Variants in PIEZO2 observed in about 807,000 individuals in gnomAD.
The protein encoded by PIEZO2 is piezo-type mechanosensitive ion channel component 2.
PIEZO2 carries 172 observed loss-of-function variants against 337.3 expected under a neutral mutation model. The observed-to-expected ratio is 0.51, with a 90% CI of 0.45 to 0.58. The LOEUF (loss-of-function observed/expected upper bound fraction) is 0.58. Ranked by LOEUF, PIEZO2 falls within the 20% of genes least tolerant of loss-of-function variation. The probability of loss-of-function intolerance (pLI) is 0.00; values close to 1 mark genes in which losing one functional copy is unlikely to be tolerated. For missense variants in PIEZO2, 3,028 were observed against 3,391.3 expected, an observed-to-expected ratio of 0.89 and a Z score of 2.66; for synonymous variants, 1,251 against 1,228.5, an observed-to-expected ratio of 1.02 and a Z score of -0.38.
Position 10,780,343 on chromosome 18 carries a change from A to T in PIEZO2, c.2516T>A (p.Val839Glu). Residue 839 changes from valine to glutamate, a missense_variant, in exon 18 of 56, where the codon GTA becomes GAA. Val to Glu is a moderately radical substitution (Grantham distance 121). Transcript: ENST00000674853. ...TACCCACCTATTTATTATTAGATAT[A>T]CGCGACCATTGACTTTGGCATGGCT... Reference protein sequence around the residue: ...IYSHAKVNGRVYLIINSIKKK... With the variant: ...IYSHAKVNGREYLIINSIKKK... 1 of 703,012 alleles carries T rather than the reference A, an allele frequency of 1.4e-6. No individual in the cohort carries two copies. The highest frequency in any genetic ancestry group is 2.6e-6 in the Non-Finnish European group (1 of 384,982). 43.5% of individuals were successfully genotyped at this position (703,012 alleles called of 1,614,324 possible).
intron 35 of PIEZO2, among the ~76,000 whole-genome samples, chr18:10,731,732 C>T (rs773595908): frequency 6.6e-6 from 1 of 151,942 alleles, no homozygotes. Context: ...TCACAGATAT[C>T]ATGAGATAAA....
In PIEZO2 at chr18:10,696,541, T is replaced by G. The variant is rs1156388337; in HGVS notation, c.6828-2A>C. 1.2e-6 allele frequency: 2 copies of G among 1,613,102 alleles called. No homozygotes were observed. Among genetic ancestry groups the G allele is most frequent in the Admixed American group, 1.7e-5 (1 of 60,000 alleles). On this transcript the variant is annotated splice_acceptor_variant, in intron 45 of 55. Coordinates refer to ENST00000674853, the MANE Select transcript of PIEZO2 (RefSeq NM_001378183.1). LOFTEE classifies it high-confidence loss of function. The stretch of plus-strand genomic sequence containing the variant: ...ATGGGCACATAGATCTCCAGCGTCC[T>G]GCAAAATGGAGACCCCCACCCCCAA...
At chr18:10,756,894 T>C (rs1476822195) in intron 27 of PIEZO2, among the ~76,000 whole-genome samples, 2 of 137,784 alleles carry the variant, frequency 1.5e-5, no homozygotes, top group African/African-American at 2.8e-5. Flanking sequence ...GGATGCAGGA[T>C]AAAAAGGAGG....
chr18:11,081,504 A>T (rs2038740508), intron 1 of PIEZO2, among the ~76,000 whole-genome samples: 1 of 152,166 alleles, frequency 6.6e-6, no homozygotes, highest in South Asian at 2.1e-4. Flanking sequence ...CATTAATAAA[A>T]GCTAGTTCCA....
chr18:11,040,027 C>T (rs2037062530), intron 2 of PIEZO2, among the ~76,000 whole-genome samples: 1 of 151,880 alleles, frequency 6.6e-6, no homozygotes, highest in African/African-American at 2.4e-5. Flanking sequence ...AAATATACAC[C>T]TCTACAGATG....
At chr18:10,818,701 G>T (rs566809038) in intron 7 of PIEZO2, among the ~76,000 whole-genome samples, 1 of 152,194 alleles carries the variant, frequency 6.6e-6, no homozygotes, top group East Asian at 1.9e-4. Context: ...TATGAGTTTG[G>T]AATTTTCATT....
At chr18:11,044,458 A>C (rs2145821614) in intron 2 of PIEZO2, among the ~76,000 whole-genome samples, 1 of 152,298 alleles carries the variant, frequency 6.6e-6, no homozygotes, top group South Asian at 2.1e-4. Context: ...ATTTCAGAAA[A>C]GTTACCACTA....
intron 3 of PIEZO2, among the ~76,000 whole-genome samples, chr18:10,932,268 T>G (rs1338251965): frequency 1.3e-5 from 2 of 152,082 alleles, no homozygotes; most frequent in African/African-American, 2.4e-5. Context: ...TGGTGGCACA[T>G]GCCTGTGGTC....
chr18:11,001,905 A>AG lies in PIEZO2; in HGVS notation c.161-22246dup, dbSNP rs201345529. ...AAAAGGAGAAAAAGGGAAGGAAGGA[A>AG]GAAGGAAGGAAGGAAGGAAGGAAGG... On this transcript the variant is annotated intron_variant, in intron 2 of 55. Transcript: ENST00000674853. This position sits in a 1 kb window ranked among gnomAD's most constrained non-coding sequence, Gnocchi z 5.3. Among the ~76,000 whole-genome samples, 2 of 139,202 alleles carry AG rather than the reference A, an allele frequency of 1.4e-5. No homozygotes were observed. Among genetic ancestry groups the AG allele is most frequent in the African/African-American group, 5.6e-5 (2 of 35,888 alleles). 91.3% of individuals were successfully genotyped at this position (139,202 alleles called of 152,430 possible). A position where few individuals can be genotyped will look rare whatever the true frequency, so the allele number is the denominator to read the frequency against.
At chr18:10,950,326 C>A (rs920303229) in intron 3 of PIEZO2, among the ~76,000 whole-genome samples, 1 of 152,048 alleles carries the variant, frequency 6.6e-6, no homozygotes, top group Non-Finnish European at 1.5e-5. Context: ...AGGCTTAAAG[C>A]TGAAGGTAAG....
chr18:11,122,938 TAA>T (rs1214798788), intron 1 of PIEZO2, among the ~76,000 whole-genome samples: 19 of 150,750 alleles, frequency 1.3e-4, no homozygotes, highest in East Asian at 1.9e-4. Context: ...ATGTTATATA[TAA>T]GTTATATGAT....
chr18:10,960,352 C>G (rs1286547998), intron 3 of PIEZO2, among the ~76,000 whole-genome samples: 1 of 152,070 alleles, frequency 6.6e-6, no homozygotes. Flanking sequence ...CCAAACTCTA[C>G]CACAGAAGTA....
rs1190448552 is a variant in PIEZO2, at chr18:10,783,693, T to A, written c.2492+1091A>T. The stretch of plus-strand genomic sequence containing the variant: ...GATAGCAAAACAAGTCATGACTGAT[T>A]GATACCTCTTGGTTCCATGGGTTAC... On this transcript the variant is annotated intron_variant, in intron 17 of 55. Transcript: ENST00000674853. The surrounding 1 kb of genome is among the most constrained non-coding windows in gnomAD (Gnocchi z 4.3). Among the ~76,000 whole-genome samples, 1 of 152,192 alleles carries A rather than the reference T, an allele frequency of 6.6e-6. No homozygotes were observed. Among genetic ancestry groups the A allele is most frequent in the Non-Finnish European group, 1.5e-5 (1 of 68,024 alleles).
intron 4 of PIEZO2, among the ~76,000 whole-genome samples, chr18:10,880,724 A>C (rs947047474): frequency 1.3e-5 from 2 of 151,590 alleles, no homozygotes; most frequent in Admixed American, 6.6e-5. Context: ...TTAAACTTAA[A>C]TATGACTCTG....
At position 10,781,132 on chromosome 18, in the gene PIEZO2, A is replaced by G. The variant is rs1720412591; in HGVS notation, c.2493-766T>C. Among the ~76,000 whole-genome samples, 1 of 152,156 alleles carries G rather than the reference A, an allele frequency of 6.6e-6. No individual in the cohort carries two copies. The highest frequency in any genetic ancestry group is 1.5e-5 in the Non-Finnish European group (1 of 68,032). ...AAGTCATTTCATTTCTCTATGCATA[A>G]TAATACTTTCTAAAACAAACCTGCA... On this transcript the variant is annotated intron_variant, in intron 17 of 55. Coordinates refer to ENST00000674853, the MANE Select transcript of PIEZO2 (RefSeq NM_001378183.1). The surrounding 1 kb of genome is among the most constrained non-coding windows in gnomAD (Gnocchi z 4.1).
chr18:10,820,848 C>T (rs1293241241), intron 7 of PIEZO2, among the ~76,000 whole-genome samples: 1 of 152,152 alleles, frequency 6.6e-6, no homozygotes. Context: ...CAGTAACCTT[C>T]ACGGTATGAT....
At chr18:10,808,682 G>A (rs2040076485) in intron 7 of PIEZO2, among the ~76,000 whole-genome samples, 1 of 152,114 alleles carries the variant, frequency 6.6e-6, no homozygotes, top group Non-Finnish European at 1.5e-5. Flanking sequence ...TATTTTTGGA[G>A]TTAGCATTTT....
intron 44 of PIEZO2, among the ~76,000 whole-genome samples, 179 bp from the exon 45 acceptor site, chr18:10,698,059 G>C (rs1459856668): frequency 3.0e-5 from 4 of 133,622 alleles, no homozygotes. Context: ...AGGCCTGTGG[G>C]GTTTAACACC....
intron 9 of PIEZO2, 131 bp from the exon 10 acceptor site, chr18:10,801,559 G>T: frequency 3.9e-6 from 3 of 767,592 alleles, no homozygotes; most frequent in Admixed American, 5.3e-5. Flanking sequence ...TATTAATATT[G>T]CCATGCAAAA....
Sources: gnomAD v4.1 joint callset for allele counts (sites outside exome capture counted in the v4.1 genomes callset) on GRCh38, gnomAD v4.1.1 for gene constraint, Gnocchi (gnomAD v3.1) non-coding constraint, MANE v1.5 for transcripts, NCBI Gene and HGNC (gene_info 2026-07-23, HGNC 2026-07-21) for gene names.